MUC4: variants seen among roughly 807,000 people sequenced by gnomAD.
MUC4 encodes the protein mucin 4, cell surface associated.
MUC4 carries 202 observed loss-of-function variants against 257.9 expected under a neutral mutation model. The ratio of observed to expected loss-of-function variants is 0.78; its 90% CI spans 0.70 to 0.88. The LOEUF (loss-of-function observed/expected upper bound fraction) is 0.88, where lower values mean the gene tolerates loss of function less well. MUC4 is among the 40% of genes least tolerant of loss of function. MUC4 has a pLI of 0.00. For synonymous variants in MUC4, 2,351 were observed against 2,757.1 expected, an observed-to-expected ratio of 0.85 and a Z score of 4.62; for missense variants, 5,976 against 6,513.7, an observed-to-expected ratio of 0.92 and a Z score of 2.84.
chr3:195,777,524 C>G (rs1488913848), intron 3 of MUC4, among the ~76,000 whole-genome samples: 66 of 95,798 alleles, frequency 6.9e-4, no homozygotes, highest in African/African-American at 1.0e-3. Flanking sequence ...ACCTTCCACA[C>G]CCATACCTTC....
chr3:195,783,875 C>A lies in MUC4; in HGVS notation c.7705G>T (p.Ala2569Ser), dbSNP rs758809722. 109 of 1,500,886 alleles carry A rather than the reference C, an allele frequency of 7.3e-5. 6 individuals are homozygous for A. The African/African-American group carries it at 1.2e-3, about 17-fold the overall frequency. 93.0% of individuals were successfully genotyped at this position (1,500,886 alleles called of 1,614,324 possible). A position where few individuals can be genotyped will look rare whatever the true frequency, so the allele number is the denominator to read the frequency against. Residue 2569 changes from alanine (A) to serine (S), a missense_variant, in exon 2 of 25, where the codon GCA becomes TCA. Coordinates refer to ENST00000463781, the MANE Select transcript of MUC4 (RefSeq NM_018406.7). ...TSLPVTDTSA[A>S]STGHATPLPV... The stretch of plus-strand genomic sequence containing the variant: ...AGAGGGGTGGCGTGACCTGTGGATG[C>A]TGCGGAAGTGTCGGTGACAGGAAGA...
Position 195,788,973 on chromosome 3 carries a change from GGGGACGATCGAAGACGC to G in MUC4, c.2590_2606del (p.Ala864ArgfsTer9). 6.2e-7 allele frequency: 1 copy of G among 1,613,626 alleles called. No homozygotes were observed. The highest frequency in any genetic ancestry group is 8.5e-7 in the Non-Finnish European group (1 of 1,179,752). Reference sequence around the variant, plus strand: ...CAGAGAGGGTGGGATGAAAGGTGCCGGGGACGATCGAAGACGCCATTCCTGTGCTTACTGGGATGGCA... The same window carrying G: ...CAGAGAGGGTGGGATGAAAGGTGCCGCATTCCTGTGCTTACTGGGATGGCA... On this transcript the variant is annotated frameshift_variant, in exon 2 of 25. Coordinates refer to ENST00000463781, the MANE Select transcript of MUC4 (RefSeq NM_018406.7). LOFTEE classifies it high-confidence loss of function.
chr3:195,788,805 C>T lies in MUC4; in HGVS notation c.2775G>A (p.Ala925=), dbSNP rs377363758. 150 of 1,613,862 alleles carry T rather than the reference C, an allele frequency of 9.3e-5. 1 individual carries two copies. In the South Asian group the frequency reaches 1.2e-3, roughly 13 times the overall value. Residue 925 remains alanine, a synonymous_variant, in exon 2 of 25, where the codon GCG becomes GCA. Transcript: ENST00000463781. Reference sequence around the variant, plus strand: ...TTGAGAAGGTGTCGGTTGCCTGGGACGCCAGGCTGATAGTGTCAGACCCTC... The same window carrying T: ...TTGAGAAGGTGTCGGTTGCCTGGGATGCCAGGCTGATAGTGTCAGACCCTC... ...TSRGSDTISL[A]SQATDTFSTV... is the part of the protein sequence containing the mutation.
rs750664521 is a variant in MUC4, at chr3:195,769,015, A to T, written c.13529+7T>A. The stretch of plus-strand genomic sequence containing the variant: ...CTGCTCAGTGCTGACAGCCCCTCCC[A>T]TCCTACCTAGAGAAGCCCATGAGCA... On this transcript the variant is annotated splice_region_variant and intron_variant, in intron 7 of 24. Coordinates refer to ENST00000463781, the MANE Select transcript of MUC4 (RefSeq NM_018406.7). 20 of 1,610,426 alleles carry T rather than the reference A, an allele frequency of 1.2e-5. No individual in the cohort carries two copies. Among genetic ancestry groups the T allele is most frequent in the Non-Finnish European group, 1.7e-5 (20 of 1,177,160 alleles).
intron 1 of MUC4, among the ~76,000 whole-genome samples, chr3:195,796,246 C>T (rs1282088881): frequency 6.6e-6 from 1 of 151,992 alleles, no homozygotes; most frequent in African/African-American, 2.4e-5. Flanking sequence ...CCACGCCCGG[C>T]TAATTTTTGT....
intron 21 of MUC4, chr3:195,752,040 A>T (rs1042864626): frequency 3.2e-5 from 11 of 342,810 alleles, no homozygotes; most frequent in African/African-American, 2.2e-4. Context: ...GCAGCCAAGA[A>T]GAGGGAGCCG....
intron 23 of MUC4, 66 bp from the exon 24 acceptor site, chr3:195,749,130 C>G: frequency 6.4e-7 from 1 of 1,565,412 alleles, no homozygotes; most frequent in East Asian, 2.3e-5. Context: ...ACCTTTTCAG[C>G]CACGAATTCC....
At chr3:195,768,951 G>C in intron 7 of MUC4, 71 bp downstream of exon 7, 1 of 1,545,504 alleles carries the variant, frequency 6.5e-7, no homozygotes, top group Non-Finnish European at 8.8e-7. Context: ...ATGGGAGTGT[G>C]TGTGCAGCGA....
At chr3:195,749,327 TA>T in intron 23 of MUC4, among the ~76,000 whole-genome samples, 2 of 145,132 alleles carry the variant, frequency 1.4e-5, no homozygotes, top group African/African-American at 5.7e-5. Context: ...AAAAGGTTCC[TA>T]GGGAAAAAGG....
chr3:195,788,524 G>C lies in MUC4; in HGVS notation c.3056C>G (p.Thr1019Arg), dbSNP rs1733267188. Residue 1019 changes from threonine (T) to arginine (R), a missense_variant, in exon 2 of 25, where the codon ACA becomes AGA. Physicochemically the swap from Thr to Arg is moderately conservative, Grantham distance 71. Around this residue, in one of 44 missense-constraint regions of MUC4, gnomAD observed 1,583 missense variants for 1,257.4 expected, o/e 1.26. Coordinates refer to ENST00000463781, the MANE Select transcript of MUC4 (RefSeq NM_018406.7). ...LPVTSPSSVS[T>R]GHTTPLPVTD... ...GACAGGAAGAGGGGTGGTGTGACCT[G>C]TGGATACTGAGGAAGGGCTGGTGAC... The C allele has an allele frequency of 6.7e-7, 1 of 1,482,974 alleles. No individual in the cohort carries two copies. The highest frequency in any genetic ancestry group is 9.0e-7 in the Non-Finnish European group (1 of 1,106,448). The allele number at this position is 1,482,974 out of a possible 1,614,324, so 91.9% of individuals were successfully genotyped here.
chr3:195,764,902 G>A (rs1414315243), intron 10 of MUC4, 95 bp downstream of exon 10: 3 of 1,513,804 alleles, frequency 2.0e-6, no homozygotes, highest in Non-Finnish European at 2.7e-6. Context: ...GCCCAGAGAG[G>A]GGAAGGGTCT....
intron 15 of MUC4, 28 bp from the exon 16 acceptor site, chr3:195,761,145 A>C (rs1577993341): frequency 6.3e-7 from 1 of 1,592,024 alleles, no homozygotes; most frequent in East Asian, 2.2e-5. Context: ...CGGTGGTACC[A>C]GGCATGGCAC....
Position 195,789,008 on chromosome 3 carries a change from G to A in MUC4, c.2572C>T (p.Pro858Ser), listed in dbSNP as rs1560396592. The A allele has an allele frequency of 1.9e-6, 3 of 1,613,852 alleles. No homozygotes were observed. The highest frequency in any genetic ancestry group is 1.7e-5 in the Admixed American group (1 of 59,992). ...GAAGACGCCATTCCTGTGCTTACTG[G>A]GATGGCACCATGACTGGCTGAGGCG... ...LSASASHGAI[P>S]VSTGMASSIV... Residue 858 changes from proline to serine, a missense_variant, in exon 2 of 25, where the codon CCA (proline) becomes TCA (serine). Pro to Ser is a moderately conservative substitution (Grantham distance 74). Around this residue, in one of 44 missense-constraint regions of MUC4, gnomAD observed 1,583 missense variants for 1,257.4 expected, o/e 1.26. Transcript: ENST00000463781.
chr3:195,766,575 G>T, intron 8 of MUC4, 88 bp downstream of exon 8: 1 of 1,170,610 alleles, frequency 8.5e-7, no homozygotes, highest in African/African-American at 1.5e-5. Context: ...ATGTTAGGGA[G>T]GTGCCCTCTA....
At position 195,782,914 on chromosome 3, in the gene MUC4, A is replaced by C. The variant is rs762483341; in HGVS notation, c.8666T>G (p.Val2889Gly). The stretch of plus-strand genomic sequence containing the variant: ...AAGAGGGGTAGCGTGACCTGTGGAC[A>C]CTGAGGAAGCGTCGGTGACAGGAAG... ...TPLPVTDASS[V>G]STGHATPLPL... is the part of the protein sequence containing the mutation. The change falls in exon 2 of 25, where the codon GTG becomes GGG. Residue 2889 changes from valine (V) to glycine (G), a missense_variant. Around this residue, in one of 44 missense-constraint regions of MUC4, gnomAD observed 228 missense variants for 206.3 expected, o/e 1.11. Transcript: ENST00000463781. 6 of 1,433,096 alleles carry C rather than the reference A, an allele frequency of 4.2e-6. No homozygotes were observed. The African/African-American group carries it at 9.9e-5, about 24-fold the overall frequency. 88.8% of individuals were successfully genotyped at this position (1,433,096 alleles called of 1,614,324 possible). A position where few individuals can be genotyped will look rare whatever the true frequency, so the allele number is the denominator to read the frequency against.
Position 195,761,559 on chromosome 3 carries a change from C to T in MUC4, c.14539G>A (p.Asp4847Asn), listed in dbSNP as rs1718910826. ...LGVWNNNPED[D>N]FRMPNGSTIP... is the part of the protein sequence containing the mutation. ...GTGGAGCCATTGGGCATCCTGAAGT[C>T]GTCCTCTGGATTGTTATTCCAGACC... The change falls in exon 15 of 25, where the codon GAC becomes AAC. Residue 4847 changes from aspartate to asparagine, a missense_variant. Physicochemically the swap from Asp to Asn is conservative, Grantham distance 23. Around this residue, in one of 44 missense-constraint regions of MUC4, gnomAD observed 996 missense variants for 1,137.3 expected, o/e 0.88. Transcript: ENST00000463781. 1.2e-6 allele frequency: 2 copies of T among 1,614,140 alleles called. No individual in the cohort carries two copies. The highest frequency in any genetic ancestry group is 2.2e-5 in the East Asian group (1 of 44,874).
chr3:195,811,629 AT>A, intron 1 of MUC4, 106 bp downstream of exon 1: 1 of 875,700 alleles, frequency 1.1e-6, no homozygotes, highest in Non-Finnish European at 1.8e-6. Flanking sequence ...CCTTTCCCCT[AT>A]TCTCTCTCTC....
intron 6 of MUC4, 60 bp from the exon 7 acceptor site, chr3:195,769,212 T>C (rs1418761336): frequency 1.9e-6 from 3 of 1,594,872 alleles, no homozygotes; most frequent in Non-Finnish European, 2.6e-6. Context: ...TCTCCTCTCT[T>C]ATGTCCCCCC....
chr3:195,773,482 ACCCT>A (rs753741184), intron 4 of MUC4, among the ~76,000 whole-genome samples: 10 of 144,428 alleles, frequency 6.9e-5, no homozygotes, highest in East Asian at 2.1e-4. Flanking sequence ...AGGTGTGGAC[ACCCT>A]CTCTCTATCA....
Sources: allele counts gnomAD v4.1 joint callset (sites outside exome capture counted in the v4.1 genomes callset), GRCh38; gene constraint gnomAD v4.1.1; regional missense constraint gnomAD v4.1.1; transcripts MANE v1.5; gene names NCBI Gene and HGNC (gene_info 2026-07-23, HGNC 2026-07-21).